The following CHRNA7 variants were observed in gnomAD, a reference collection of about 807,000 sequenced individuals.
CHRNA7 encodes the protein cholinergic receptor nicotinic alpha 7 subunit.
A neutral mutation model predicts 48.0 loss-of-function variants in CHRNA7; 17 were observed. The observed-to-expected ratio is 0.35, with a 90% confidence interval of 0.24 to 0.53. The LOEUF is 0.53. Ranked by LOEUF, CHRNA7 falls within the 20% of genes least tolerant of loss-of-function variation. The pLI, the probability that CHRNA7 is intolerant of heterozygous loss-of-function variation, is 0.92. For missense variants in CHRNA7, 155 were observed against 577.7 expected, an observed-to-expected ratio of 0.27 and a Z score of 7.50; for synonymous variants, 75 against 242.3, an observed-to-expected ratio of 0.31 and a Z score of 6.41.
At position 32,075,562 on chromosome 15, in the gene CHRNA7, A is replaced by T. The variant is rs185295692; in HGVS notation, c.196-25741A>T. 2.7e-3 allele frequency among the ~76,000 whole-genome samples: 409 copies of T among 152,130 alleles called. 2 individuals are homozygous for T. Among genetic ancestry groups the T allele is most frequent in the Non-Finnish European group, 3.8e-3 (256 of 67,978 alleles). On this transcript the variant is annotated intron_variant, in intron 2 of 9. Coordinates refer to ENST00000306901, the MANE Select transcript of CHRNA7 (RefSeq NM_000746.6). ...ATTCATATCCTCTATTTTAGTCCTCATGCTGCTTATTTGAATCTTCTCTCT... is the reference window on the plus strand; with the variant it reads ...ATTCATATCCTCTATTTTAGTCCTCTTGCTGCTTATTTGAATCTTCTCTCT...
rs116709177 is a variant in CHRNA7 at position 32,148,817 on chromosome 15, C to T, written c.351-5090C>T. 2.8e-3 allele frequency among the ~76,000 whole-genome samples: 424 copies of T among 152,356 alleles called. 4 individuals are homozygous for T. The highest frequency in any genetic ancestry group is 9.2e-3 in the African/African-American group (383 of 41,590). ...AGCCAGACCTTCCTGGAGCCTCCTTCGTTCTGGCTTATCTCCAAGTGTGTG... is the reference window on the plus strand; with the variant it reads ...AGCCAGACCTTCCTGGAGCCTCCTTTGTTCTGGCTTATCTCCAAGTGTGTG... On this transcript the variant is annotated intron_variant, in intron 4 of 9. Transcript: ENST00000306901.
At chr15:32,085,243 A>G (rs531825548) in intron 2 of CHRNA7, among the ~76,000 whole-genome samples, 2 of 152,282 alleles carry the variant, frequency 1.3e-5, no homozygotes, top group South Asian at 2.1e-4. Context: ...TGCCTTTGAG[A>G]TAATTTATAA....
At chr15:32,066,843 C>G (rs1250541385) in intron 2 of CHRNA7, among the ~76,000 whole-genome samples, 2 of 151,994 alleles carry the variant, frequency 1.3e-5, no homozygotes, top group Middle Eastern at 3.4e-3. Flanking sequence ...AGTAAAGATG[C>G]ATAGACATAA....
intron 2 of CHRNA7, among the ~76,000 whole-genome samples, chr15:32,086,953 C>A (rs896471887): frequency 2.0e-5 from 3 of 152,152 alleles, no homozygotes; most frequent in Non-Finnish European, 4.4e-5. Flanking sequence ...TCAGGTCCCT[C>A]GACTGCAAAG....
In CHRNA7 at chr15:32,073,400, A is replaced by G. The variant is rs1343530632; in HGVS notation, c.196-27903A>G. 5.4e-4 allele frequency among the ~76,000 whole-genome samples: 82 copies of G among 152,362 alleles called. 2 individuals are homozygous for G. The highest frequency in any genetic ancestry group is 7.7e-4 in the East Asian group (4 of 5,194). On this transcript the variant is annotated intron_variant, in intron 2 of 9. Transcript: ENST00000306901. Reference sequence around the variant, plus strand: ...AACTTGTTTGTGATCTAACAGGCTCATAGGTCAAAGAAATTTGCCTTGAGC... The same window carrying G: ...AACTTGTTTGTGATCTAACAGGCTCGTAGGTCAAAGAAATTTGCCTTGAGC...
chr15:32,083,587 G>A (rs369089605), intron 2 of CHRNA7, among the ~76,000 whole-genome samples: 5 of 152,150 alleles, frequency 3.3e-5, no homozygotes, highest in African/African-American at 9.7e-5. Flanking sequence ...TAAGGAGGGT[G>A]GATGGTGTGG....
chr15:32,046,039 G>T (rs953123321), intron 2 of CHRNA7, among the ~76,000 whole-genome samples: 26 of 151,346 alleles, frequency 1.7e-4, no homozygotes, highest in African/African-American at 6.1e-4. Flanking sequence ...TGGTGTATAT[G>T]TGCCACATTT....
rs1170812385 is a variant in CHRNA7, at chr15:32,114,032, ATATATATATATG to A, written c.350+2145_350+2156del. Among the ~76,000 whole-genome samples, 66 of 94,534 alleles carry A rather than the reference ATATATATATATG, an allele frequency of 7.0e-4. 1 individual carries two copies. Among genetic ancestry groups the A allele is most frequent in the African/African-American group, 2.7e-3 (65 of 24,266 alleles). 62.0% of individuals were successfully genotyped at this position (94,534 alleles called of 152,430 possible). The stretch of plus-strand genomic sequence containing the variant: ...ATGCTATCTCCAAATATATATATAT[ATATATATATATG>A]TATATATATATATATACATATATAT... On this transcript the variant is annotated intron_variant, in intron 4 of 9. Coordinates refer to ENST00000306901, the MANE Select transcript of CHRNA7 (RefSeq NM_000746.6).
intron 2 of CHRNA7, among the ~76,000 whole-genome samples, chr15:32,060,883 TG>T (rs2049867801): frequency 6.6e-6 from 1 of 152,144 alleles, no homozygotes; most frequent in African/African-American, 2.4e-5. Context: ...TGTTGGCTGC[TG>T]AAGCAGGCAT....
chr15:32,081,350 A>G (rs1179321735), intron 2 of CHRNA7, among the ~76,000 whole-genome samples: 1 of 152,214 alleles, frequency 6.6e-6, no homozygotes, highest in African/African-American at 2.4e-5. Flanking sequence ...ATTTACATTT[A>G]ATGTAATTAT....
intron 4 of CHRNA7, among the ~76,000 whole-genome samples, chr15:32,124,970 CTCCAGAACTGTGGAAGATAAAT>C (rs2051039503): frequency 1.3e-5 from 2 of 152,310 alleles, no homozygotes; most frequent in South Asian, 2.1e-4. Flanking sequence ...GACTTACAGG[CTCCAGAACTGTGGAAGATAAAT>C]GCCAGAACTG....
chr15:32,126,777 A>C (rs890328329), intron 4 of CHRNA7, among the ~76,000 whole-genome samples: 1 of 152,184 alleles, frequency 6.6e-6, no homozygotes, highest in Admixed American at 6.5e-5. Context: ...ATGGAAAAAA[A>C]ATTATAGGGA....
chr15:32,145,165 T>G (rs890313449), intron 4 of CHRNA7, among the ~76,000 whole-genome samples: 1 of 152,164 alleles, frequency 6.6e-6, no homozygotes, highest in African/African-American at 2.4e-5. Context: ...CTTTTAACAG[T>G]AAGGCCCCTC....
chr15:32,056,541 T>C (rs1272730897), intron 2 of CHRNA7, among the ~76,000 whole-genome samples: 1 of 152,202 alleles, frequency 6.6e-6, no homozygotes, highest in Non-Finnish European at 1.5e-5. Flanking sequence ...ATTTAATGTG[T>C]GTATGATATG....
chr15:32,082,073 A>G (rs2050225013), intron 2 of CHRNA7, among the ~76,000 whole-genome samples: 1 of 151,846 alleles, frequency 6.6e-6, no homozygotes, highest in African/African-American at 2.4e-5. Flanking sequence ...ATACTTTGTC[A>G]TTTGAATTGT....
intron 2 of CHRNA7, among the ~76,000 whole-genome samples, chr15:32,055,834 C>T (rs1356354988): frequency 6.6e-6 from 1 of 152,058 alleles, no homozygotes; most frequent in Non-Finnish European, 1.5e-5. Context: ...AAAAAATTAG[C>T]CGGGCGTGGT....
intron 2 of CHRNA7, among the ~76,000 whole-genome samples, chr15:32,091,400 T>G (rs1003244287): frequency 6.6e-6 from 1 of 152,204 alleles, no homozygotes; most frequent in Non-Finnish European, 1.5e-5. Context: ...TCTCATTGCG[T>G]CTGTCTGGGT....
intron 3 of CHRNA7, among the ~76,000 whole-genome samples, chr15:32,110,635 CA>C (rs1285791621): frequency 1.3e-5 from 2 of 152,312 alleles, no homozygotes; most frequent in East Asian, 3.9e-4. Context: ...TCTAGGCCCA[CA>C]GCCCCTCATC....
At chr15:32,038,940 TGATA>T (rs1343940002) in intron 2 of CHRNA7, among the ~76,000 whole-genome samples, 1 of 152,240 alleles carries the variant, frequency 6.6e-6, no homozygotes, top group Non-Finnish European at 1.5e-5. Context: ...TCAATTGCTC[TGATA>T]GATATAGGCC....
Sources: gnomAD v4.1 joint callset for allele counts (sites outside exome capture counted in the v4.1 genomes callset) on GRCh38, gnomAD v4.1.1 for gene constraint, MANE v1.5 for transcripts, NCBI Gene and HGNC (gene_info 2026-07-23, HGNC 2026-07-21) for gene names.